Variants in SEMA4D observed in about 807,000 individuals in gnomAD.
SEMA4D encodes the protein semaphorin 4D, also known as semaphorin-4D.
Under a neutral mutation model 74.8 loss-of-function variants are expected in SEMA4D, and 22 were observed. That is an observed-to-expected ratio of 0.29 (90% CI 0.21 to 0.42). SEMA4D has a LOEUF of 0.42. Ranked by LOEUF, SEMA4D falls within the 10% of genes least tolerant of loss-of-function variation. The probability of loss-of-function intolerance (pLI) is 1.00; values close to 1 mark genes in which losing one functional copy is unlikely to be tolerated. For missense variants in SEMA4D, 937 were observed against 1,118.4 expected, an observed-to-expected ratio of 0.84 and a Z score of 2.31; for synonymous variants, 445 against 463.7, an observed-to-expected ratio of 0.96 and a Z score of 0.52.
chr9:89,375,003 A>T (rs1425345225), downstream of SEMA4D, among the ~76,000 whole-genome samples: 5 of 152,362 alleles, frequency 3.3e-5, no homozygotes, highest in African/African-American at 1.2e-4. Flanking sequence ...CAGTGAGCCA[A>T]GATCGTGCCA....
At chr9:89,425,543 G>C (rs1331224735) in intron 2 of SEMA4D, among the ~76,000 whole-genome samples, 1 of 152,188 alleles carries the variant, frequency 6.6e-6, no homozygotes, top group African/African-American at 2.4e-5. Context: ...CTCCCTGGCA[G>C]GCTCCTCACT....
chr9:89,384,999 A>G (rs991960420), intron 13 of SEMA4D: 1 of 985,426 alleles, frequency 1.0e-6, no homozygotes, highest in Non-Finnish European at 1.2e-6. Context: ...CTACAGAGAC[A>G]GGCGGGTCGG....
chr9:89,386,157 C>A, intron 13 of SEMA4D: 1 of 840,578 alleles, frequency 1.2e-6, no homozygotes, highest in South Asian at 5.4e-5. Context: ...AAAGTCCCGT[C>A]TCCCCAGGTC....
chr9:89,426,185 G>C (rs73486146), intron 2 of SEMA4D, among the ~76,000 whole-genome samples: 1 of 152,212 alleles, frequency 6.6e-6, no homozygotes. Flanking sequence ...CTGCAAAGGC[G>C]CCAGAGGCCT....
intron 2 of SEMA4D, among the ~76,000 whole-genome samples, chr9:89,422,978 T>C (rs1411949916): frequency 6.6e-6 from 1 of 151,680 alleles, no homozygotes; most frequent in Non-Finnish European, 1.5e-5. Flanking sequence ...CAGCAATGTG[T>C]TCTTCTCTTG....
intron 2 of SEMA4D, among the ~76,000 whole-genome samples, chr9:89,411,774 ACT>A (rs1415056032): frequency 6.6e-6 from 1 of 152,162 alleles, no homozygotes; most frequent in Non-Finnish European, 1.5e-5. Flanking sequence ...GAGTGAGCTG[ACT>A]CTGTGCAGAG....
intron 3 of SEMA4D, among the ~76,000 whole-genome samples, chr9:89,403,803 C>G (rs1217581489): frequency 6.6e-6 from 1 of 152,128 alleles, no homozygotes; most frequent in African/African-American, 2.4e-5. Context: ...GTGGCGGGCG[C>G]CTGTAACCCC....
At chr9:89,466,956 G>A (rs1306696712) in intron 1 of SEMA4D, among the ~76,000 whole-genome samples, 2 of 152,196 alleles carry the variant, frequency 1.3e-5, no homozygotes, top group Non-Finnish European at 1.5e-5. Context: ...AAAGGGCCCT[G>A]TTACTCTTTT....
At chr9:89,463,470 G>T (rs951443280) in intron 1 of SEMA4D, among the ~76,000 whole-genome samples, 1 of 152,202 alleles carries the variant, frequency 6.6e-6, no homozygotes, top group African/African-American at 2.4e-5. Flanking sequence ...CTACTTGGGG[G>T]CTTTTCATGA....
intron 4 of SEMA4D, among the ~76,000 whole-genome samples, chr9:89,399,623 G>A (rs564276971): frequency 7.2e-5 from 11 of 152,236 alleles, no homozygotes; most frequent in Non-Finnish European, 5.9e-5. Flanking sequence ...TCGTGAAAGT[G>A]GAGAAAATTA....
intron 5 of SEMA4D, 96 bp from the exon 6 acceptor site, chr9:89,396,931 C>A: frequency 9.1e-7 from 1 of 1,096,142 alleles, no homozygotes; most frequent in Admixed American, 2.1e-5. Flanking sequence ...GGCACAGACC[C>A]ACATTCACCA....
intron 2 of SEMA4D, among the ~76,000 whole-genome samples, chr9:89,414,121 C>T (rs534720365): frequency 4.7e-4 from 72 of 152,180 alleles, no homozygotes; most frequent in Non-Finnish European, 6.9e-4. Context: ...GAGGGGACAC[C>T]AGTCACTACC....
chr9:89,460,220 C>T (rs565737114), intron 1 of SEMA4D, among the ~76,000 whole-genome samples: 1 of 152,320 alleles, frequency 6.6e-6, no homozygotes, highest in South Asian at 2.1e-4. Flanking sequence ...CCAGTGCAGC[C>T]CCTCCTGAGA....
rs1005078879 is a variant in SEMA4D, at chr9:89,449,723, G to A, written c.-244+6165C>T. ...GCCTGTGTGAGAAAGGTGATGCCGT[G>A]ATTATGCAAGAAACAGGGAAAATCT... On this transcript the variant is annotated intron_variant, in intron 2 of 15. Coordinates refer to ENST00000422704, the MANE Select transcript of SEMA4D (RefSeq NM_001371194.2). 4.6e-6 allele frequency: 7 copies of A among 1,512,910 alleles called. No homozygotes were observed. The Admixed American group carries it at 1.0e-4, about 22-fold the overall frequency. The allele number at this position is 1,512,910 out of a possible 1,614,324, so 93.7% of individuals were successfully genotyped here.
downstream of SEMA4D, among the ~76,000 whole-genome samples, chr9:89,375,221 C>T (rs1337478115): frequency 1.3e-5 from 2 of 152,132 alleles, no homozygotes; most frequent in Non-Finnish European, 2.9e-5. Flanking sequence ...CCCAGTGCTG[C>T]GACAGGACAC....
At chr9:89,415,616 G>C (rs1336576715) in intron 2 of SEMA4D, among the ~76,000 whole-genome samples, 1 of 152,188 alleles carries the variant, frequency 6.6e-6, no homozygotes. Flanking sequence ...CATGTGAGAA[G>C]ACGCTGTCTA....
chr9:89,395,363 G>T (rs1418214775), intron 6 of SEMA4D, among the ~76,000 whole-genome samples: 1 of 151,852 alleles, frequency 6.6e-6, no homozygotes, highest in Non-Finnish European at 1.5e-5. Context: ...GATGGAGGTT[G>T]CAGTGAGCCG....
At chr9:89,477,630 T>G (rs559511179) in intron 1 of SEMA4D, among the ~76,000 whole-genome samples, 1 of 152,292 alleles carries the variant, frequency 6.6e-6, no homozygotes, top group South Asian at 2.1e-4. Context: ...AAACACCCCC[T>G]CTATGGATGT....
chr9:89,392,920 G>T (rs969136327), intron 7 of SEMA4D, among the ~76,000 whole-genome samples: 2 of 152,116 alleles, frequency 1.3e-5, no homozygotes, highest in Admixed American at 6.5e-5. Flanking sequence ...TAGAGATGGG[G>T]TTTAACCCTG....
Sources: gnomAD v4.1 joint callset for allele counts (sites outside exome capture counted in the v4.1 genomes callset) on GRCh38, gnomAD v4.1.1 for gene constraint, MANE v1.5 for transcripts, NCBI Gene and HGNC (gene_info 2026-07-23, HGNC 2026-07-21) for gene names.